The following AGAP1 variants were observed in gnomAD, a reference collection of about 807,000 sequenced individuals.
AGAP1 encodes the protein ArfGAP with GTPase domain, ankyrin repeat and PH domain 1, also known as arf-GAP with GTPase, ANK repeat and PH domain-containing protein 1.
AGAP1 carries 29 observed loss-of-function variants against 105.3 expected under a neutral mutation model. The ratio of observed to expected loss-of-function variants is 0.28; its 90% CI spans 0.21 to 0.38. The LOEUF is 0.38. AGAP1 is among the 10% of genes least tolerant of loss of function. AGAP1 has a pLI of 1.00. For synonymous variants in AGAP1, 509 were observed against 485.9 expected (o/e 1.05, Z -0.63); for missense variants, 998 against 1,165.1 (o/e 0.86, Z 2.09).
rs1202835916 is a variant in AGAP1, at chr2:235,883,291, T to G, written c.1051-54T>G. The G allele has an allele frequency of 2.6e-6, 4 of 1,544,206 alleles. No individual in the cohort carries two copies. Among genetic ancestry groups the G allele is most frequent in the Non-Finnish European group, 3.6e-6 (4 of 1,120,248 alleles). Reference sequence around the variant, plus strand: ...TGTATATGTTGCCTGTGTACCTGCCTTTTCTTTTTTTTATTTACATTAGAA... The same window carrying G: ...TGTATATGTTGCCTGTGTACCTGCCGTTTCTTTTTTTTATTTACATTAGAA... On this transcript the variant is annotated intron_variant, in intron 9 of 17. Transcript: ENST00000304032. The surrounding 1 kb of genome is among the most constrained non-coding windows in gnomAD (Gnocchi z 4.5).
At chr2:235,807,447 A>G (rs925734059) in intron 9 of AGAP1, 116 bp downstream of exon 9, 46 of 845,282 alleles carry the variant, frequency 5.4e-5, no homozygotes, top group Non-Finnish European at 7.6e-5. Context: ...TGATGAATGT[A>G]GAAGTCTCTC....
At chr2:235,584,963 CACCCCCCT>C (rs1221367426) in intron 1 of AGAP1, among the ~76,000 whole-genome samples, 1 of 141,772 alleles carries the variant, frequency 7.1e-6, no homozygotes, top group Non-Finnish European at 1.5e-5. Context: ...TTTTAGGCGT[CACCCCCCT>C]ACCCACTTAG....
intron 9 of AGAP1, among the ~76,000 whole-genome samples, chr2:235,869,531 G>T (rs1054496708): frequency 1.3e-5 from 2 of 151,910 alleles, no homozygotes; most frequent in African/African-American, 4.8e-5. Context: ...AACCCAGGAG[G>T]TGGAGGTTGC....
At chr2:235,870,261 G>A (rs1390299281) in intron 9 of AGAP1, among the ~76,000 whole-genome samples, 8 of 152,204 alleles carry the variant, frequency 5.3e-5, no homozygotes, top group Non-Finnish European at 5.9e-5. Flanking sequence ...CCTCCCCATC[G>A]GAAGACCACG....
rs1048499989 is a variant in AGAP1, at chr2:235,842,458, T to TA, written c.1050+35128dup. Among the ~76,000 whole-genome samples the TA allele has an allele frequency of 2.0e-5, 3 of 152,194 alleles. No individual in the cohort carries two copies. Among genetic ancestry groups the TA allele is most frequent in the Admixed American group, 6.5e-5 (1 of 15,282 alleles). ...CTGGTCACCGTTTGGCAATGGAAGG[T>TA]ACTAGGTCTGCCACTGGGTCTCAGT... is the stretch of plus-strand genomic sequence containing the variant. On this transcript the variant is annotated intron_variant, in intron 9 of 17. Transcript: ENST00000304032. This position sits in a 1 kb window ranked among gnomAD's most constrained non-coding sequence, Gnocchi z 5.3.
chr2:235,836,326 G>A (rs1174698956), intron 9 of AGAP1, among the ~76,000 whole-genome samples: 3 of 152,218 alleles, frequency 2.0e-5, no homozygotes, highest in Admixed American at 6.5e-5. Context: ...TCAAATTAGA[G>A]CACTGCAGCA....
At chr2:236,007,420 A>G (rs1458839087) in intron 13 of AGAP1, among the ~76,000 whole-genome samples, 2 of 152,224 alleles carry the variant, frequency 1.3e-5, no homozygotes, top group Non-Finnish European at 2.9e-5. Flanking sequence ...GGCAGATCAA[A>G]TACTTCAAGA....
At chr2:235,686,657 ATATATATATTTTTT>A (rs1949453423) in intron 1 of AGAP1, among the ~76,000 whole-genome samples, 2 of 54,248 alleles carry the variant, frequency 3.7e-5, no homozygotes, top group Non-Finnish European at 6.4e-5. Context: ...ATATATATAT[ATATATATATTTTTT>A]TTTTTTTTTA....
At chr2:236,117,251 C>T (rs909406666) in intron 16 of AGAP1, among the ~76,000 whole-genome samples, 3 of 152,204 alleles carry the variant, frequency 2.0e-5, no homozygotes, top group African/African-American at 4.8e-5. Context: ...ACCACATCCA[C>T]GCCAACATCT....
rs143714801 is a variant in AGAP1, at chr2:235,728,301, C to CTGTGTGTGTGTGTG, written c.310+10670_310+10683dup. 4.2e-3 allele frequency among the ~76,000 whole-genome samples: 623 copies of CTGTGTGTGTGTGTG among 148,596 alleles called. 2 individuals carry two copies. The highest frequency in any genetic ancestry group is 0.015 in the African/African-American group (601 of 40,242). On this transcript the variant is annotated intron_variant, in intron 3 of 17. Coordinates refer to ENST00000304032, the MANE Select transcript of AGAP1 (RefSeq NM_001037131.3). The surrounding 1 kb of genome is among the most constrained non-coding windows in gnomAD (Gnocchi z 4.3). ...ATCTGAAAAGGACTGGGCCCAGACTCTGTGTGTGTGTGTGTGTGTGTGTGT... is the reference window on the plus strand; with the variant it reads ...ATCTGAAAAGGACTGGGCCCAGACTCTGTGTGTGTGTGTGTGTGTGTGTGTGTGTGTGTGTGTGT...
intron 9 of AGAP1, among the ~76,000 whole-genome samples, chr2:235,819,117 C>CTTTTTT (rs1235692784): frequency 1.4e-5 from 1 of 74,070 alleles, no homozygotes. Context: ...CTTTTCTTTT[C>CTTTTTT]TTTTTTTTTT....
intron 10 of AGAP1, among the ~76,000 whole-genome samples, chr2:235,892,424 C>T (rs2050588213): frequency 6.6e-6 from 1 of 152,108 alleles, no homozygotes. Context: ...CCAGGGCAGC[C>T]AAACTTGGAC....
At chr2:236,060,321 GTAAA>G (rs2058156861) in intron 16 of AGAP1, among the ~76,000 whole-genome samples, 5 of 152,198 alleles carry the variant, frequency 3.3e-5, no homozygotes, top group Admixed American at 6.5e-5. Context: ...TGTCAGAAAA[GTAAA>G]AATGCACAGA....
At chr2:235,763,833 G>A (rs1012303325) in intron 6 of AGAP1, among the ~76,000 whole-genome samples, 3 of 152,228 alleles carry the variant, frequency 2.0e-5, no homozygotes, top group Admixed American at 6.5e-5. Context: ...GTCCTAGGTA[G>A]GAAAGGTGTA....
chr2:236,043,725 G>GAAA (rs781763786), intron 15 of AGAP1, among the ~76,000 whole-genome samples: 7 of 140,812 alleles, frequency 5.0e-5, no homozygotes, highest in Admixed American at 2.8e-4. Context: ...CGTCTCAAGG[G>GAAA]AAAAAAAAAA....
intron 3 of AGAP1, among the ~76,000 whole-genome samples, chr2:235,735,530 A>G (rs532322525): frequency 2.8e-4 from 43 of 152,188 alleles, no homozygotes; most frequent in Non-Finnish European, 5.3e-4. Flanking sequence ...GTGAGACAGC[A>G]TTCAGAATAG....
intron 9 of AGAP1, among the ~76,000 whole-genome samples, chr2:235,820,921 A>G (rs1474501416): frequency 6.6e-6 from 1 of 152,222 alleles, no homozygotes; most frequent in African/African-American, 2.4e-5. Context: ...AAGGAAGAGC[A>G]GAGTTGTGGA....
rs1392099225 is a variant in AGAP1, at chr2:235,556,860, A to G, written c.163+62011A>G. ...TGGAAGTGTCTTGGCTAAATTCCTG[A>G]CCTAAGCTTGTGTGGTCTTTTGCTC... On this transcript the variant is annotated intron_variant, in intron 1 of 17. Coordinates refer to ENST00000304032, the MANE Select transcript of AGAP1 (RefSeq NM_001037131.3). The surrounding 1 kb of genome is among the most constrained non-coding windows in gnomAD (Gnocchi z 5.3). Among the ~76,000 whole-genome samples, 1 of 152,146 alleles carries G rather than the reference A, an allele frequency of 6.6e-6. No individual in the cohort carries two copies. Among genetic ancestry groups the G allele is most frequent in the Non-Finnish European group, 1.5e-5 (1 of 68,034 alleles).
At chr2:235,604,548 G>T (rs1375858901) in intron 1 of AGAP1, among the ~76,000 whole-genome samples, 1 of 140,010 alleles carries the variant, frequency 7.1e-6, no homozygotes, top group Non-Finnish European at 1.6e-5. Context: ...TTGCACATTC[G>T]TGTTTCTTTT....
Sources: allele counts gnomAD v4.1 joint callset (sites outside exome capture counted in the v4.1 genomes callset), GRCh38; gene constraint gnomAD v4.1.1; non-coding constraint Gnocchi (gnomAD v3.1); transcripts MANE v1.5; gene names NCBI Gene and HGNC (gene_info 2026-07-23, HGNC 2026-07-21).